SV2C: variants seen among roughly 807,000 people sequenced by gnomAD.
The protein encoded by SV2C is synaptic vesicle glycoprotein 2C.
Under a neutral mutation model 79.7 loss-of-function variants are expected in SV2C, and 49 were observed. The observed-to-expected ratio is 0.61, with a 90% CI of 0.49 to 0.78. The LOEUF is 0.78. SV2C is among the 30% of genes least tolerant of loss of function. The pLI, the probability that SV2C is intolerant of heterozygous loss-of-function variation, is 0.00. For missense variants in SV2C, 833 were observed against 912.9 expected, an observed-to-expected ratio of 0.91 and a Z score of 1.13; for synonymous variants, 334 against 333.2, an observed-to-expected ratio of 1.00 and a Z score of -0.03.
At chr5:76,288,154 A>G (rs1053886496) in intron 6 of SV2C, among the ~76,000 whole-genome samples, 5 of 152,188 alleles carry the variant, frequency 3.3e-5, no homozygotes, top group Admixed American at 2.0e-4. Context: ...ATGGTAAGAC[A>G]TAAGTGGGAA....
At chr5:76,260,009 G>A (rs1480262866) in intron 4 of SV2C, among the ~76,000 whole-genome samples, 1 of 152,080 alleles carries the variant, frequency 6.6e-6, no homozygotes. Context: ...CTAGATTCTT[G>A]GGAAGTTGCC....
At chr5:76,147,804 C>G (rs1266831261) in intron 2 of SV2C, among the ~76,000 whole-genome samples, 1 of 152,150 alleles carries the variant, frequency 6.6e-6, no homozygotes, top group African/African-American at 2.4e-5. Flanking sequence ...AGAGTCAAAG[C>G]TCTTTTTGCT....
chr5:76,228,805 T>C (rs754309597), intron 4 of SV2C, among the ~76,000 whole-genome samples: 47 of 152,160 alleles, frequency 3.1e-4, no homozygotes, highest in Non-Finnish European at 6.0e-4. Context: ...ATTATCTATG[T>C]TTTACAGGTG....
Position 76,132,160 on chromosome 5 carries a change from A to G in SV2C, c.410A>G (p.Gln137Arg). The G allele has an allele frequency of 6.2e-7, 1 of 1,614,212 alleles. No individual in the cohort carries two copies. The highest frequency in any genetic ancestry group is 8.5e-7 in the Non-Finnish European group (1 of 1,180,036). The change falls in exon 2 of 13, where the codon CAG (glutamine) becomes CGG (arginine). Residue 137 changes from glutamine (Q) to arginine (R), a missense_variant. Transcript: ENST00000502798. ...RRADEEELAQ[Q>R]YELIIQECGH... is the part of the protein sequence containing the mutation. ...GCTGACGAGGAAGAGTTAGCCCAGC[A>G]GTATGAGCTGATAATCCAAGAATGC...
intron 12 of SV2C, among the ~76,000 whole-genome samples, chr5:76,319,521 G>A (rs1228291508): frequency 1.3e-5 from 2 of 152,226 alleles, no homozygotes; most frequent in Non-Finnish European, 2.9e-5. Flanking sequence ...TTTCTTGAAT[G>A]CCGACACTAA....
At chr5:76,093,872 G>A (rs1747460037) in intron 1 of SV2C, among the ~76,000 whole-genome samples, 2 of 152,166 alleles carry the variant, frequency 1.3e-5, no homozygotes, top group Admixed American at 6.5e-5. Context: ...CCAAGGAACA[G>A]TTTTAAGGAA....
chr5:76,038,544 A>G, the SV2C span, among the ~76,000 whole-genome samples: 1 of 152,246 alleles, frequency 6.6e-6, no homozygotes, highest in East Asian at 1.9e-4. Context: ...GAGTTGTCAT[A>G]TAAATGTTAA....
intron 12 of SV2C, among the ~76,000 whole-genome samples, chr5:76,342,229 C>T (rs917603008): frequency 1.3e-5 from 2 of 152,194 alleles, no homozygotes; most frequent in African/African-American, 2.4e-5. Context: ...TGACACAACT[C>T]GTCAAGGCTG....
At chr5:75,871,834 T>TATACAC in the SV2C span, among the ~76,000 whole-genome samples, 2 of 118,856 alleles carry the variant, frequency 1.7e-5, no homozygotes, top group African/African-American at 6.6e-5. Flanking sequence ...TATATATATA[T>TATACAC]ACACACACAC....
the SV2C span, among the ~76,000 whole-genome samples, chr5:75,848,868 AT>A: frequency 5.9e-5 from 9 of 152,196 alleles, no homozygotes; most frequent in Non-Finnish European, 1.3e-4. Flanking sequence ...TTTGGGGCAA[AT>A]TCTTCAATCT....
At position 76,235,149 on chromosome 5, in the gene SV2C, A is replaced by G. The variant is rs536410597; in HGVS notation, c.913+25262A>G. Among the ~76,000 whole-genome samples, 13 of 150,222 alleles carry G rather than the reference A, an allele frequency of 8.7e-5. No homozygotes were observed. In the East Asian group the frequency reaches 1.4e-3, roughly 16 times the overall value. ...TTTTCACAAAAGGATCAGAAAAAAG[A>G]CAAAGGGAGAATTATCCATGGAGAA... On this transcript the variant is annotated intron_variant, in intron 4 of 12. Transcript: ENST00000502798.
At chr5:76,337,625 T>C (rs1379621349), downstream of SV2C, among the ~76,000 whole-genome samples, 1 of 152,168 alleles carries the variant, frequency 6.6e-6, no homozygotes, top group Non-Finnish European at 1.5e-5. Context: ...GCATGGGCTG[T>C]GTGCATGCAT....
intron 2 of SV2C, among the ~76,000 whole-genome samples, chr5:76,139,095 G>C (rs1187812311): frequency 4.0e-5 from 6 of 151,812 alleles, no homozygotes; most frequent in Non-Finnish European, 7.4e-5. Flanking sequence ...CTCCAGCCTG[G>C]GCGATGGAGC....
At chr5:75,984,585 A>C in the SV2C span, among the ~76,000 whole-genome samples, 2 of 115,838 alleles carry the variant, frequency 1.7e-5, no homozygotes, top group Non-Finnish European at 4.1e-5. Context: ...CTATCTATCT[A>C]TCTATCTATC....
intron 4 of SV2C, among the ~76,000 whole-genome samples, chr5:76,225,447 G>A (rs1745207835): frequency 6.6e-6 from 1 of 152,200 alleles, no homozygotes; most frequent in South Asian, 2.1e-4. Flanking sequence ...AAAGAGGTTG[G>A]AAAACAATGA....
At chr5:76,011,110 G>C in the SV2C span, among the ~76,000 whole-genome samples, 1 of 151,972 alleles carries the variant, frequency 6.6e-6, no homozygotes, top group African/African-American at 2.4e-5. Flanking sequence ...TTTTTAAAAA[G>C]GAAAAAAGAA....
chr5:76,230,687 G>C (rs1008680346), intron 4 of SV2C, among the ~76,000 whole-genome samples: 1 of 152,076 alleles, frequency 6.6e-6, no homozygotes, highest in Non-Finnish European at 1.5e-5. Context: ...TACTTGGGAG[G>C]CTGAGACAGG....
At chr5:75,865,990 T>G in the SV2C span, among the ~76,000 whole-genome samples, 1 of 152,102 alleles carries the variant, frequency 6.6e-6, no homozygotes, top group African/African-American at 2.4e-5. Context: ...CTCCTGCCAT[T>G]GGGAGGAGTT....
At chr5:75,998,690 G>T in the SV2C span, among the ~76,000 whole-genome samples, 1 of 151,684 alleles carries the variant, frequency 6.6e-6, no homozygotes, top group Admixed American at 6.6e-5. Context: ...GTGTGTGTGT[G>T]TATTATACCA....
Sources: gnomAD v4.1 joint callset for allele counts (sites outside exome capture counted in the v4.1 genomes callset) on GRCh38, gnomAD v4.1.1 for gene constraint, MANE v1.5 for transcripts, NCBI Gene and HGNC (gene_info 2026-07-23, HGNC 2026-07-21) for gene names.